SLCO1A2: variants seen among roughly 807,000 people sequenced by gnomAD.
SLCO1A2 encodes OATP-1.
Under a neutral mutation model 69.0 loss-of-function variants are expected in SLCO1A2, and 67 were observed. That is an observed-to-expected ratio of 0.97 (90% CI 0.80 to 1.19). The LOEUF is 1.19. Ranked by LOEUF, SLCO1A2 falls within the 50% of genes most tolerant of loss-of-function variation. The pLI is 0.00. For missense variants in SLCO1A2, 787 were observed against 793.7 expected (o/e 0.99, Z 0.10); for synonymous variants, 260 against 265.9 (o/e 0.98, Z 0.22).
At chr12:21,338,817 A>T (rs1199362720), upstream of SLCO1A2, among the ~76,000 whole-genome samples, 1 of 149,762 alleles carries the variant, frequency 6.7e-6, no homozygotes, top group Non-Finnish European at 1.5e-5. Flanking sequence ...TTATCTGTTT[A>T]TAAGGCTCAA....
chr12:21,344,336 C>T (rs749052872), intron 2 of SLCO1A2, among the ~76,000 whole-genome samples: 12 of 152,194 alleles, frequency 7.9e-5, no homozygotes, highest in Non-Finnish European at 1.3e-4. Context: ...TTCTGATACT[C>T]GGCTTCATGG....
chr12:21,404,048 T>C (rs1043560104), intron 1 of SLCO1A2, among the ~76,000 whole-genome samples: 3 of 152,090 alleles, frequency 2.0e-5, no homozygotes, highest in African/African-American at 7.2e-5. Flanking sequence ...TTCATTTCTA[T>C]GGGATGCCAC....
At chr12:21,312,200 C>T (rs761545902) in intron 4 of SLCO1A2, among the ~76,000 whole-genome samples, 1 of 152,222 alleles carries the variant, frequency 6.6e-6, no homozygotes, top group Non-Finnish European at 1.5e-5. Flanking sequence ...GCTGCAGCTT[C>T]TCCATCAGCA....
Position 21,304,407 on chromosome 12 carries a change from A to C in SLCO1A2, c.589+20T>G. The C allele has an allele frequency of 6.3e-7, 1 of 1,581,070 alleles. No homozygotes were observed. Among genetic ancestry groups the C allele is most frequent in the Non-Finnish European group, 8.7e-7 (1 of 1,153,014 alleles). On this transcript the variant is annotated intron_variant, in intron 6 of 14. Coordinates refer to ENST00000683939, the MANE Select transcript of SLCO1A2 (RefSeq NM_001386879.1). Reference sequence around the variant, plus strand: ...AACATATTGCCCTGAAAAGAAGCTAAGGTAGATTTCCATACTTACCAATAT... The same window carrying C: ...AACATATTGCCCTGAAAAGAAGCTACGGTAGATTTCCATACTTACCAATAT...
At chr12:21,400,771 G>A (rs1179767843) in intron 1 of SLCO1A2, among the ~76,000 whole-genome samples, 16 of 148,754 alleles carry the variant, frequency 1.1e-4, no homozygotes, top group East Asian at 4.0e-4. Flanking sequence ...GTAAACTATC[G>A]CAAGAACAAA....
intron 1 of SLCO1A2, among the ~76,000 whole-genome samples, chr12:21,382,839 G>A (rs1379504654): frequency 2.0e-5 from 3 of 148,108 alleles, no homozygotes; most frequent in African/African-American, 7.4e-5. Context: ...AAGAAAGAAA[G>A]AAAATGAGCT....
rs1473274168 is a variant in SLCO1A2, at chr12:21,352,238, A to G, written c.-62-17529T>C. Reference sequence around the variant, plus strand: ...CCCTAAACTGAACTGATCTCTGGAAATGCGAAGAGAGGAAAAACTAGGACA... The same window carrying G: ...CCCTAAACTGAACTGATCTCTGGAAGTGCGAAGAGAGGAAAAACTAGGACA... On this transcript the variant is annotated intron_variant, in intron 2 of 15. Transcript: ENST00000307378. Among the ~76,000 whole-genome samples, 3 of 152,224 alleles carry G rather than the reference A, an allele frequency of 2.0e-5. No individual in the cohort carries two copies. The East Asian group carries it at 5.8e-4, about 29-fold the overall frequency.
chr12:21,329,702 T>C (rs1799140374), intron 2 of SLCO1A2, among the ~76,000 whole-genome samples: 1 of 151,554 alleles, frequency 6.6e-6, no homozygotes, highest in Admixed American at 6.6e-5. Flanking sequence ...TCTCTCTTTA[T>C]CCATTTAGTT....
At chr12:21,320,328 T>C (rs920458779) in intron 2 of SLCO1A2, among the ~76,000 whole-genome samples, 1 of 152,142 alleles carries the variant, frequency 6.6e-6, no homozygotes, top group African/African-American at 2.4e-5. Flanking sequence ...CCTGCAAACT[T>C]ACCTCTATCC....
Position 21,300,500 on chromosome 12 carries a change from G to A in SLCO1A2, c.758C>T (p.Ala253Val), listed in dbSNP as rs1216783760. The A allele has an allele frequency of 1.2e-6, 2 of 1,613,472 alleles. No homozygotes were observed. Among genetic ancestry groups the A allele is most frequent in the South Asian group, 1.1e-5 (1 of 91,044 alleles). ...AATGGCAGTGAGCACGTTAACTCCTGCACAAATCAGAAAGCCAAACCACCA... is the reference window on the plus strand; with the variant it reads ...AATGGCAGTGAGCACGTTAACTCCTACACAAATCAGAAAGCCAAACCACCA... ...GAWWFGFLIC[A>V]GVNVLTAIPF... Residue 253 changes from alanine to valine, a missense_variant, in exon 8 of 15, where the codon GCA becomes GTA. Ala to Val is a moderately conservative substitution (Grantham distance 64). Coordinates refer to ENST00000683939, the MANE Select transcript of SLCO1A2 (RefSeq NM_001386879.1).
chr12:21,419,109 C>G (rs910921649), upstream of SLCO1A2: 9 of 152,048 alleles, frequency 5.9e-5, no homozygotes, highest in Non-Finnish European at 1.3e-4. Flanking sequence ...CCCAGAAATA[C>G]CAATAGGCAC....
Position 21,367,741 on chromosome 12 carries a change from G to A in SLCO1A2, c.-63+6658C>T, listed in dbSNP as rs186821281. On this transcript the variant is annotated intron_variant, in intron 2 of 15. Coordinates refer to the SLCO1A2 transcript ENST00000307378. Reference sequence around the variant, plus strand: ...AAATTAATAAAGCTATCAAAGTACCGAGACTACAAGACATAGAAGGCAACT... The same window carrying A: ...AAATTAATAAAGCTATCAAAGTACCAAGACTACAAGACATAGAAGGCAACT... 7.2e-3 allele frequency among the ~76,000 whole-genome samples: 1,087 copies of A among 151,676 alleles called. 14 individuals are homozygous for A. The highest frequency in any genetic ancestry group is 0.024 in the African/African-American group (1,011 of 41,368).
At chr12:21,323,351 G>A (rs563554046) in intron 2 of SLCO1A2, among the ~76,000 whole-genome samples, 1 of 152,260 alleles carries the variant, frequency 6.6e-6, no homozygotes, top group Admixed American at 6.5e-5. Context: ...GAGCCCAGGA[G>A]TTTGAGACCA....
chr12:21,295,513 G>T, intron 10 of SLCO1A2, 84 bp downstream of exon 10: 2 of 834,254 alleles, frequency 2.4e-6, no homozygotes, highest in Admixed American at 4.6e-5. Flanking sequence ...ATAAGAAAAT[G>T]ATCTGATCGT....
chr12:21,287,513 A>G (rs2136250857), intron 12 of SLCO1A2, among the ~76,000 whole-genome samples: 1 of 144,700 alleles, frequency 6.9e-6, no homozygotes, highest in East Asian at 2.0e-4. Context: ...ATTACTGGGT[A>G]TATACCCAAA....
intron 1 of SLCO1A2, among the ~76,000 whole-genome samples, chr12:21,383,226 G>A (rs2137129717): frequency 6.6e-6 from 1 of 152,186 alleles, no homozygotes; most frequent in Non-Finnish European, 1.5e-5. Flanking sequence ...AAAGATTGCT[G>A]GTAGCACATC....
intron 12 of SLCO1A2, among the ~76,000 whole-genome samples, chr12:21,286,786 C>A (rs1945886974): frequency 8.6e-6 from 1 of 116,616 alleles, no homozygotes; most frequent in Non-Finnish European, 1.7e-5. Flanking sequence ...ATAAATGGTG[C>A]TGGGAAAACT....
At chr12:21,402,754 T>C (rs924762172) in intron 1 of SLCO1A2, among the ~76,000 whole-genome samples, 2 of 152,060 alleles carry the variant, frequency 1.3e-5, no homozygotes, top group African/African-American at 4.8e-5. Flanking sequence ...TATTTGTGAC[T>C]AAGGGTTGTG....
chr12:21,363,211 C>A (rs1939076814), intron 2 of SLCO1A2, among the ~76,000 whole-genome samples: 1 of 152,150 alleles, frequency 6.6e-6, no homozygotes, highest in African/African-American at 2.4e-5. Context: ...GACCACAGTG[C>A]AATCAAACTA....
Sources: gnomAD v4.1 joint callset for allele counts (sites outside exome capture counted in the v4.1 genomes callset) on GRCh38, gnomAD v4.1.1 for gene constraint, MANE v1.5 for transcripts, NCBI Gene and HGNC (gene_info 2026-07-23, HGNC 2026-07-21) for gene names.